Variants in NKAIN2 observed in about 807,000 individuals in gnomAD.
NKAIN2 encodes sodium/potassium transporting ATPase interacting 2.
NKAIN2 carries 14 observed loss-of-function variants against 32.6 expected under a neutral mutation model. The ratio of observed to expected loss-of-function variants is 0.43; its 90% CI spans 0.28 to 0.67. The LOEUF (loss-of-function observed/expected upper bound fraction) is 0.67, where lower values mean the gene tolerates loss of function less well. Among genes scored for constraint, NKAIN2 ranks in the 30% least tolerant of loss-of-function variants. The probability of loss-of-function intolerance (pLI) is 0.17; values close to 1 mark genes in which losing one functional copy is unlikely to be tolerated. For synonymous variants in NKAIN2, 80 were observed against 87.2 expected (o/e 0.92, Z 0.46); for missense variants, 198 against 258.3 (o/e 0.77, Z 1.60).
chr6:124,778,793 G>GA lies in NKAIN2; in HGVS notation c.475-12540dup, dbSNP rs555485397. On this transcript the variant is annotated intron_variant, in intron 4 of 6. Transcript: ENST00000368417. ...CTCTGCCTGCTTAAAGGAAAAAAAA[G>GA]AAAAAATCAGAAACCACTTGAGCCA... 5.9e-5 allele frequency among the ~76,000 whole-genome samples: 9 copies of GA among 151,988 alleles called. No individual in the cohort carries two copies. The South Asian group carries it at 1.9e-3, about 32-fold the overall frequency.
chr6:124,259,264 A>C (rs1269730321), intron 1 of NKAIN2, among the ~76,000 whole-genome samples: 2 of 152,168 alleles, frequency 1.3e-5, no homozygotes, highest in Non-Finnish European at 2.9e-5. Context: ...TGGGGAAAGA[A>C]TACAAGTACA....
chr6:123,997,722 G>C (rs561101697), intron 1 of NKAIN2, among the ~76,000 whole-genome samples: 10 of 148,454 alleles, frequency 6.7e-5, no homozygotes, highest in African/African-American at 2.2e-4. Flanking sequence ...TCCTGCCTCA[G>C]CCTCCCGAGT....
At chr6:124,130,228 T>C (rs925182655) in intron 1 of NKAIN2, among the ~76,000 whole-genome samples, 1 of 152,192 alleles carries the variant, frequency 6.6e-6, no homozygotes, top group Non-Finnish European at 1.5e-5. Flanking sequence ...GGTGGTATTT[T>C]GGACAACAAA....
chr6:124,087,621 GC>G (rs1374460553), intron 1 of NKAIN2, among the ~76,000 whole-genome samples: 1 of 151,894 alleles, frequency 6.6e-6, no homozygotes, highest in African/African-American at 2.4e-5. Flanking sequence ...TGTATCTGTG[GC>G]TATTGGGAAC....
chr6:124,031,605 TTG>T (rs1781408330), intron 1 of NKAIN2, among the ~76,000 whole-genome samples: 1 of 152,184 alleles, frequency 6.6e-6, no homozygotes, highest in South Asian at 2.1e-4. Context: ...TTCTGGTATG[TTG>T]TGTCTTTGTT....
chr6:124,317,098 G>T (rs1270897397), intron 2 of NKAIN2, among the ~76,000 whole-genome samples: 1 of 151,700 alleles, frequency 6.6e-6, no homozygotes, highest in Non-Finnish European at 1.5e-5. Flanking sequence ...AGGGGATTAA[G>T]GCCAGCATGG....
intron 4 of NKAIN2, among the ~76,000 whole-genome samples, chr6:124,736,734 A>G (rs1207696969): frequency 6.6e-6 from 1 of 151,920 alleles, no homozygotes; most frequent in Non-Finnish European, 1.5e-5. Flanking sequence ...ATTGTGACTT[A>G]CTGCTCAGAA....
chr6:124,388,031 G>T lies in NKAIN2; in HGVS notation c.273+32684G>T, dbSNP rs1772985205. On this transcript the variant is annotated intron_variant, in intron 3 of 6. Coordinates refer to ENST00000368417, the MANE Select transcript of NKAIN2 (RefSeq NM_001040214.3). Reference sequence around the variant, plus strand: ...GTAGTGAATAAAGACCTGGAATGCTGTTAAATATCGCCCAATGCACAGAAG... The same window carrying T: ...GTAGTGAATAAAGACCTGGAATGCTTTTAAATATCGCCCAATGCACAGAAG... 1.3e-5 allele frequency among the ~76,000 whole-genome samples: 2 copies of T among 152,064 alleles called. 1 individual carries two copies. Among genetic ancestry groups the T allele is most frequent in the African/African-American group, 4.8e-5 (2 of 41,424 alleles).
At chr6:124,439,938 G>A (rs547678018) in intron 3 of NKAIN2, among the ~76,000 whole-genome samples, 4 of 152,038 alleles carry the variant, frequency 2.6e-5, no homozygotes, top group Middle Eastern at 3.4e-3. Context: ...GAAATTTACT[G>A]GAGCACACTC....
intron 2 of NKAIN2, among the ~76,000 whole-genome samples, chr6:124,329,240 C>A (rs1562493073): frequency 6.6e-6 from 1 of 152,210 alleles, no homozygotes; most frequent in Non-Finnish European, 1.5e-5. Flanking sequence ...CTCTGATGCA[C>A]TGCCATCAAA....
chr6:124,470,063 T>C (rs748878472), intron 3 of NKAIN2, among the ~76,000 whole-genome samples: 1 of 152,124 alleles, frequency 6.6e-6, no homozygotes, highest in Non-Finnish European at 1.5e-5. Flanking sequence ...TTCTGAAGAA[T>C]GAATCAAAGT....
chr6:124,030,998 T>C (rs936818834), intron 1 of NKAIN2, among the ~76,000 whole-genome samples: 22 of 152,254 alleles, frequency 1.4e-4, no homozygotes, highest in Non-Finnish European at 2.1e-4. Context: ...CAGCAGCTTT[T>C]TAAAAGTCAT....
rs528195944 is a variant in NKAIN2 at position 124,347,622 on chromosome 6, C to T, written c.193-7645C>T. ...ACTGATACCCTTTCTTCCAGTTGAT[C>T]GCATCAGCTCCTGAGGCTTCTGCAT... On this transcript the variant is annotated intron_variant, in intron 2 of 6. Transcript: ENST00000368417. 3.8e-4 allele frequency among the ~76,000 whole-genome samples: 58 copies of T among 152,272 alleles called. No individual in the cohort carries two copies. The East Asian group carries it at 4.3e-3, about 11-fold the overall frequency.
rs1425808319 is a variant in NKAIN2 at position 123,868,030 on chromosome 6, G to A, written c.54+63776G>A. ...ACTACAGGCGCACACCACCACACCC[G>A]GCTAATTTTTTGTATTTTTAGTAGA... On this transcript the variant is annotated intron_variant, in intron 1 of 6. Transcript: ENST00000368417. Among the ~76,000 whole-genome samples, 14 of 151,942 alleles carry A rather than the reference G, an allele frequency of 9.2e-5. No individual in the cohort carries two copies. In the East Asian group the frequency reaches 1.7e-3, roughly 19 times the overall value.
chr6:123,899,690 A>G (rs989540013), intron 1 of NKAIN2, among the ~76,000 whole-genome samples: 1 of 152,140 alleles, frequency 6.6e-6, no homozygotes, highest in Non-Finnish European at 1.5e-5. Context: ...AGGCTCTCAG[A>G]TAGCTTTCTC....
intron 1 of NKAIN2, among the ~76,000 whole-genome samples, chr6:123,862,877 TAC>T (rs1775840100): frequency 6.6e-6 from 1 of 152,216 alleles, no homozygotes; most frequent in Admixed American, 6.5e-5. Context: ...CCTCCTACTG[TAC>T]GGTAAAGTCT....
chr6:124,725,406 T>C (rs1776227847), intron 4 of NKAIN2, among the ~76,000 whole-genome samples: 1 of 152,076 alleles, frequency 6.6e-6, no homozygotes, highest in South Asian at 2.1e-4. Flanking sequence ...ACCCAGCCCC[T>C]TATGCTATTT....
chr6:124,265,280 C>T (rs1794441766), intron 1 of NKAIN2, among the ~76,000 whole-genome samples: 1 of 151,736 alleles, frequency 6.6e-6, no homozygotes, highest in Admixed American at 6.6e-5. Context: ...CTATTTTTAA[C>T]AACGGAAACA....
chr6:123,915,276 C>T (rs1775428965), intron 1 of NKAIN2, among the ~76,000 whole-genome samples: 1 of 152,110 alleles, frequency 6.6e-6, no homozygotes, highest in African/African-American at 2.4e-5. Context: ...TTTCCACCCT[C>T]GTTTATTTTG....
Sources: gnomAD v4.1 joint callset for allele counts (sites outside exome capture counted in the v4.1 genomes callset) on GRCh38, gnomAD v4.1.1 for gene constraint, MANE v1.5 for transcripts, NCBI Gene and HGNC (gene_info 2026-07-23, HGNC 2026-07-21) for gene names.